The following CDH13 variants were observed in gnomAD, a reference collection of about 807,000 sequenced individuals.
CDH13 encodes the protein cadherin-13.
In CDH13, 24 loss-of-function variants were observed where a neutral mutation model predicts 63.8. That is an observed-to-expected ratio of 0.38 (90% CI 0.27 to 0.53). The LOEUF (loss-of-function observed/expected upper bound fraction) is 0.53, where lower values mean the gene tolerates loss of function less well. Ranked by LOEUF, CDH13 falls within the 20% of genes least tolerant of loss-of-function variation. The probability of loss-of-function intolerance (pLI) is 0.85; values close to 1 mark genes in which losing one functional copy is unlikely to be tolerated. For synonymous variants in CDH13, 503 were observed against 355.3 expected (o/e 1.42, Z -4.67); for missense variants, 1,049 against 903.1 (o/e 1.16, Z -2.07).
At chr16:82,773,428 C>G (rs1395300911) in intron 1 of CDH13, 7 of 152,292 alleles carry the variant, frequency 4.6e-5, no homozygotes, top group African/African-American at 1.7e-4. Flanking sequence ...CAGGGATCCC[C>G]TGACATAAAC....
At chr16:83,436,888 G>A (rs924922440) in intron 6 of CDH13, among the ~76,000 whole-genome samples, 1 of 152,098 alleles carries the variant, frequency 6.6e-6, no homozygotes, top group Admixed American at 6.6e-5. Flanking sequence ...GGATAAACAG[G>A]CCTAAAATAG....
At chr16:82,676,125 C>G (rs1443263710) in intron 1 of CDH13, among the ~76,000 whole-genome samples, 1 of 152,198 alleles carries the variant, frequency 6.6e-6, no homozygotes, top group Non-Finnish European at 1.5e-5. Flanking sequence ...ATGATCTCAT[C>G]CATGTCCATG....
intron 6 of CDH13, among the ~76,000 whole-genome samples, chr16:83,372,336 T>C (rs2091382599): frequency 6.6e-6 from 1 of 152,204 alleles, no homozygotes; most frequent in South Asian, 2.1e-4. Flanking sequence ...GTATCTCAAA[T>C]CATGACAGTT....
chr16:82,796,846 C>T (rs1034521991), intron 1 of CDH13, among the ~76,000 whole-genome samples: 10 of 152,200 alleles, frequency 6.6e-5, no homozygotes. Flanking sequence ...TACGTAGGGC[C>T]ACAGTGTATT....
At chr16:83,704,829 A>T (rs1435914647) in intron 10 of CDH13, among the ~76,000 whole-genome samples, 1 of 152,238 alleles carries the variant, frequency 6.6e-6, no homozygotes, top group Non-Finnish European at 1.5e-5. Flanking sequence ...CAATTTCAGG[A>T]AAATAGTTTC....
At chr16:83,274,461 A>G (rs1333973905) in intron 5 of CDH13, among the ~76,000 whole-genome samples, 3 of 152,134 alleles carry the variant, frequency 2.0e-5, no homozygotes. Flanking sequence ...GGCTTCAGTT[A>G]GTTATTCCAG....
At chr16:83,500,368 C>T (rs71388389) in intron 7 of CDH13, among the ~76,000 whole-genome samples, 196 of 574 alleles carry the variant, frequency 0.34, 95 homozygotes, top group East Asian at 1. Context: ...TTCCTTCTTC[C>T]TTCTTCTTTC....
At chr16:83,789,597 C>A (rs1916123785) in intron 13 of CDH13, among the ~76,000 whole-genome samples, 1 of 151,906 alleles carries the variant, frequency 6.6e-6, no homozygotes, top group Admixed American at 6.6e-5. Flanking sequence ...GATCCACCCA[C>A]CTCAGCCTCC....
At chr16:82,820,233 G>A (rs1039363393) in intron 1 of CDH13, among the ~76,000 whole-genome samples, 1 of 152,152 alleles carries the variant, frequency 6.6e-6, no homozygotes, top group Non-Finnish European at 1.5e-5. Flanking sequence ...ATAGTCAATA[G>A]TGAATGGAAA....
At chr16:82,849,379 G>T (rs1367601557) in intron 1 of CDH13, among the ~76,000 whole-genome samples, 1 of 152,170 alleles carries the variant, frequency 6.6e-6, no homozygotes, top group African/African-American at 2.4e-5. Context: ...GCACGTACCT[G>T]TAATACCAGC....
intron 2 of CDH13, among the ~76,000 whole-genome samples, chr16:83,021,182 A>C (rs1915315549): frequency 6.6e-6 from 1 of 152,152 alleles, no homozygotes; most frequent in South Asian, 2.1e-4. Flanking sequence ...TCTTCACTTG[A>C]GTTGATGCCA....
chr16:82,912,136 C>T (rs1471102973), intron 2 of CDH13, among the ~76,000 whole-genome samples: 4 of 152,108 alleles, frequency 2.6e-5, no homozygotes, highest in Non-Finnish European at 5.9e-5. Flanking sequence ...TTTTCCTCAT[C>T]CTCTTCTCCC....
At chr16:83,293,312 C>T (rs1381842330) in intron 5 of CDH13, among the ~76,000 whole-genome samples, 1 of 152,160 alleles carries the variant, frequency 6.6e-6, no homozygotes, top group African/African-American at 2.4e-5. Context: ...CCTGAAGAGT[C>T]ACAGACATGT....
At chr16:82,647,414 T>G (rs749645272) in intron 1 of CDH13, among the ~76,000 whole-genome samples, 7 of 152,126 alleles carry the variant, frequency 4.6e-5, no homozygotes, top group Non-Finnish European at 1.0e-4. Flanking sequence ...TAAATTCTCT[T>G]GGGAGGTGGT....
At chr16:83,461,554 A>G (rs776762176) in intron 6 of CDH13, among the ~76,000 whole-genome samples, 5 of 152,164 alleles carry the variant, frequency 3.3e-5, no homozygotes, top group African/African-American at 9.7e-5. Flanking sequence ...ATGCACAAAC[A>G]ATATTGGGGT....
rs553656603 is a variant in CDH13 at position 83,763,054 on chromosome 16, C to T, written c.1681+14804C>T. Among the ~76,000 whole-genome samples the T allele has an allele frequency of 3.3e-5, 5 of 152,274 alleles. No homozygotes were observed. In the East Asian group the frequency reaches 7.7e-4, roughly 24 times the overall value. ...ATTAAGTCTTTATATGATTATCAAA[C>T]GCGTCATATTCCCCATCTATTTCCA... On this transcript the variant is annotated intron_variant, in intron 11 of 13. Transcript: ENST00000567109.
chr16:83,216,449 A>AC (rs2039532803), intron 4 of CDH13, among the ~76,000 whole-genome samples: 1 of 28,744 alleles, frequency 3.5e-5, no homozygotes, highest in Non-Finnish European at 9.5e-5. Flanking sequence ...TATATACACA[A>AC]CCCTAATTTG....
Position 83,201,680 on chromosome 16 carries a change from G to A in CDH13, c.484-15665G>A, listed in dbSNP as rs182788545. Among the ~76,000 whole-genome samples the A allele has an allele frequency of 3.0e-3, 449 of 151,790 alleles. 6 individuals are homozygous for A. The highest frequency in any genetic ancestry group is 1.2e-3 in the Non-Finnish European group (82 of 67,950). ...TGGGAGGCTGAGGCGGGCAGGTCAC[G>A]AGGTCAGGAGATCGAGACCATCCCG... On this transcript the variant is annotated intron_variant, in intron 4 of 13. Coordinates refer to ENST00000567109, the MANE Select transcript of CDH13 (RefSeq NM_001257.5).
At chr16:83,138,618 G>C (rs928204835) in intron 4 of CDH13, among the ~76,000 whole-genome samples, 13 of 152,300 alleles carry the variant, frequency 8.5e-5, no homozygotes, top group Non-Finnish European at 1.2e-4. Flanking sequence ...TCAAAGGCTG[G>C]AAGAGGAAAA....
Sources: gnomAD v4.1 joint callset for allele counts (sites outside exome capture counted in the v4.1 genomes callset) on GRCh38, gnomAD v4.1.1 for gene constraint, MANE v1.5 for transcripts, NCBI Gene and HGNC (gene_info 2026-07-23, HGNC 2026-07-21) for gene names.